Variants in BRSK2 observed in about 807,000 individuals in gnomAD.
The protein encoded by BRSK2 is BR serine/threonine kinase 2, also known as serine/threonine-protein kinase BRSK2.
BRSK2 carries 19 observed loss-of-function variants against 83.3 expected under a neutral mutation model. That is an observed-to-expected ratio of 0.23 (90% confidence interval 0.16 to 0.33). The LOEUF (loss-of-function observed/expected upper bound fraction) is 0.33, where lower values mean the gene tolerates loss of function less well. Ranked by LOEUF, BRSK2 falls within the 10% of genes least tolerant of loss-of-function variation. The pLI is 1.00. For synonymous variants in BRSK2, 519 were observed against 435.4 expected (o/e 1.19, Z -2.39); for missense variants, 798 against 1,042.3 (o/e 0.77, Z 3.23).
chr11:1,419,805 C>A (rs1564817274), intron 1 of BRSK2, among the ~76,000 whole-genome samples: 5 of 152,234 alleles, frequency 3.3e-5, no homozygotes, highest in Admixed American at 6.5e-5. Flanking sequence ...CCCAGCTGCT[C>A]AGGAGGCTGA....
chr11:1,399,218 C>T (rs1403965512), intron 1 of BRSK2, among the ~76,000 whole-genome samples: 2 of 152,044 alleles, frequency 1.3e-5, no homozygotes, highest in Admixed American at 6.6e-5. Context: ...CTCCAGGGTA[C>T]TTGGTTCCAG....
rs1425447526 is a variant in BRSK2, at chr11:1,461,934, A to AGG, written c.*1214_*1215dup. ...CCACCTCTGGGGGGGCTCGGGGCAG[A>AGG]GGGGCGGTGTCTTGTAGCGGGCGGC... On this transcript the variant is annotated 3_prime_UTR_variant, in exon 20 of 20. Transcript: ENST00000528841. 6.6e-6 allele frequency: 1 copy of AGG among 151,388 alleles called. No homozygotes were observed. Among genetic ancestry groups the AGG allele is most frequent in the Admixed American group, 6.6e-5 (1 of 15,236 alleles). 9.4% of individuals were successfully genotyped at this position (151,388 alleles called of 1,614,324 possible). A position where few individuals can be genotyped will look rare whatever the true frequency, so the allele number is the denominator to read the frequency against.
chr11:1,408,248 C>G (rs1257810124), intron 1 of BRSK2, among the ~76,000 whole-genome samples: 5 of 152,246 alleles, frequency 3.3e-5, no homozygotes, highest in Non-Finnish European at 7.3e-5. Context: ...GTTCCCCTCC[C>G]TGTGTCCAGC....
intron 1 of BRSK2, among the ~76,000 whole-genome samples, chr11:1,429,594 C>T (rs1849736124): frequency 1.4e-5 from 2 of 141,488 alleles, no homozygotes; most frequent in East Asian, 2.1e-4. Context: ...TGAGCGTCTT[C>T]TGCGGTCTGG....
intron 1 of BRSK2, among the ~76,000 whole-genome samples, chr11:1,421,855 G>A (rs927671325): frequency 2.0e-5 from 3 of 152,180 alleles, no homozygotes; most frequent in East Asian, 1.9e-4. Context: ...CTCGGGGCAG[G>A]TGGGAGAACC....
intron 1 of BRSK2, among the ~76,000 whole-genome samples, chr11:1,415,444 G>T (rs1029251432): frequency 4.6e-5 from 7 of 152,146 alleles, no homozygotes; most frequent in African/African-American, 1.4e-4. Flanking sequence ...CTGAGACAGG[G>T]TCTCACTCTG....
intron 19 of BRSK2, 101 bp downstream of exon 19, chr11:1,459,340 C>G: frequency 2.9e-6 from 4 of 1,392,868 alleles, no homozygotes; most frequent in Non-Finnish European, 4.1e-6. Flanking sequence ...GTCCCGGCCT[C>G]CCTGTGTAGA....
intron 1 of BRSK2, among the ~76,000 whole-genome samples, chr11:1,415,401 T>G (rs1250090333): frequency 6.6e-6 from 1 of 152,078 alleles, no homozygotes; most frequent in Non-Finnish European, 1.5e-5. Context: ...GCCCTGTCTT[T>G]ACCTTTTTAA....
chr11:1,435,963 C>A (rs1351806101), intron 1 of BRSK2, 77 bp from the exon 2 acceptor site: 25 of 1,142,634 alleles, frequency 2.2e-5, no homozygotes, highest in Non-Finnish European at 3.1e-5. Context: ...GAGGAGGCCC[C>A]CAACCTGCAC....
intron 19 of BRSK2, among the ~76,000 whole-genome samples, chr11:1,460,053 G>A (rs1032514027): frequency 1.4e-4 from 20 of 147,658 alleles, no homozygotes; most frequent in Non-Finnish European, 2.1e-4. Flanking sequence ...CATCTCCGGC[G>A]TTGGGGTGGG....
At chr11:1,414,149 C>A (rs4963079) in intron 1 of BRSK2, among the ~76,000 whole-genome samples, 2 of 152,168 alleles carry the variant, frequency 1.3e-5, no homozygotes, top group African/African-American at 4.8e-5. Flanking sequence ...TTTTTCTGTA[C>A]GAACTAGGAT....
intron 12 of BRSK2, among the ~76,000 whole-genome samples, chr11:1,448,014 C>T (rs997451705): frequency 7.2e-5 from 11 of 152,178 alleles, no homozygotes; most frequent in Non-Finnish European, 1.2e-4. Context: ...GGCAAGGGCC[C>T]GCGGGCCAGG....
At chr11:1,456,813 C>T (rs972508592) in intron 18 of BRSK2, 126 bp downstream of exon 18, 85 of 1,306,928 alleles carry the variant, frequency 6.5e-5, no homozygotes, top group Non-Finnish European at 8.9e-5. Flanking sequence ...GACGCCCCCA[C>T]CTCCCTGCCC....
chr11:1,419,401 G>C (rs1027441450), intron 1 of BRSK2, among the ~76,000 whole-genome samples: 1 of 152,212 alleles, frequency 6.6e-6, no homozygotes, highest in African/African-American at 2.4e-5. Flanking sequence ...CTGTCAGGTC[G>C]GTGGTCTCTC....
At chr11:1,439,802 C>A (rs963880161) in intron 3 of BRSK2, among the ~76,000 whole-genome samples, 1 of 151,748 alleles carries the variant, frequency 6.6e-6, no homozygotes, top group African/African-American at 2.4e-5. Flanking sequence ...CTTCCCCTGC[C>A]CTGGGGGCTT....
At chr11:1,439,152 G>C (rs1850784842) in intron 3 of BRSK2, among the ~76,000 whole-genome samples, 1 of 152,212 alleles carries the variant, frequency 6.6e-6, no homozygotes, top group South Asian at 2.1e-4. Flanking sequence ...ATCAGGCTCT[G>C]AGGGAGCAGG....
intron 1 of BRSK2, among the ~76,000 whole-genome samples, chr11:1,395,676 AT>A (rs1165708842): frequency 6.6e-6 from 1 of 152,124 alleles, no homozygotes; most frequent in African/African-American, 2.4e-5. Flanking sequence ...GTCACTGGCA[AT>A]GGCTGGAAAA....
intron 1 of BRSK2, among the ~76,000 whole-genome samples, chr11:1,396,494 A>G (rs1234321152): frequency 6.6e-6 from 1 of 152,182 alleles, no homozygotes; most frequent in Non-Finnish European, 1.5e-5. Flanking sequence ...TGAAGCAGAC[A>G]GGAGACCCCC....
At chr11:1,428,896 G>T (rs375626879) in intron 1 of BRSK2, among the ~76,000 whole-genome samples, 3 of 151,016 alleles carry the variant, frequency 2.0e-5, no homozygotes, top group African/African-American at 7.3e-5. Flanking sequence ...GTTACTGGGG[G>T]TGTGCACTGG....
Sources: allele counts gnomAD v4.1 joint callset (sites outside exome capture counted in the v4.1 genomes callset), GRCh38; gene constraint gnomAD v4.1.1; transcripts MANE v1.5; gene names NCBI Gene and HGNC (gene_info 2026-07-23, HGNC 2026-07-21).